PARD6G: variants seen among roughly 807,000 people sequenced by gnomAD.
PARD6G encodes the protein partitioning defective 6 homolog gamma.
A neutral mutation model predicts 10.7 loss-of-function variants in PARD6G; 7 were observed. The ratio of observed to expected loss-of-function variants is 0.66; its 90% CI spans 0.37 to 1.23. PARD6G has a LOEUF of 1.23. PARD6G is among the 50% of genes most tolerant of loss of function. The probability of loss-of-function intolerance (pLI) is 0.02; values close to 1 mark genes in which losing one functional copy is unlikely to be tolerated. For synonymous variants in PARD6G, 287 were observed against 269.4 expected, an observed-to-expected ratio of 1.07 and a Z score of -0.64; for missense variants, 548 against 571.8, an observed-to-expected ratio of 0.96 and a Z score of 0.42.
At position 80,218,201 on chromosome 18, in the gene PARD6G, C is replaced by T. The variant is rs191126115; in HGVS notation, c.73-15269G>A. 1.7e-3 allele frequency among the ~76,000 whole-genome samples: 265 copies of T among 152,266 alleles called. 1 individual carries two copies. Among genetic ancestry groups the T allele is most frequent in the African/African-American group, 6.1e-3 (253 of 41,548 alleles). On this transcript the variant is annotated intron_variant, in intron 1 of 2. Coordinates refer to ENST00000353265, the MANE Select transcript of PARD6G (RefSeq NM_032510.4). The stretch of plus-strand genomic sequence containing the variant: ...CCAACAGTCCCCCAAAGTCTTAACT[C>T]ATTCCAGCATTAACTCAAAAGTCCA...
chr18:80,181,008 C>T lies in PARD6G; in HGVS notation c.296-20402G>A, dbSNP rs1046322671. Among the ~76,000 whole-genome samples, 1 of 152,208 alleles carries T rather than the reference C, an allele frequency of 6.6e-6. No individual in the cohort carries two copies. The highest frequency in any genetic ancestry group is 1.5e-5 in the Non-Finnish European group (1 of 68,022). ...GGGTAAGAACCCGGCCTCACACGCA[C>T]GTTTCCAGCGGGCTGGAAGGCGGCT... On this transcript the variant is annotated intron_variant, in intron 2 of 2. Transcript: ENST00000353265. This position sits in a 1 kb window ranked among gnomAD's most constrained non-coding sequence, Gnocchi z 7.9.
At position 80,159,961 on chromosome 18, in the gene PARD6G, T is replaced by TG. The variant is rs755217812; in HGVS notation, c.940dup (p.Gln314ProfsTer73). On this transcript the variant is annotated frameshift_variant, in exon 3 of 3. Coordinates refer to ENST00000353265, the MANE Select transcript of PARD6G (RefSeq NM_032510.4). LOFTEE classifies it low-confidence loss of function (END_TRUNC). ...GCTGCCTGCGGGCGCGCCCGGGGTC[T>TG]GGGGGGGACGTGCAGGCTCCAGTGT... is the stretch of plus-strand genomic sequence containing the variant. The TG allele has an allele frequency of 3.9e-5, 58 of 1,496,070 alleles. No individual in the cohort carries two copies. The highest frequency in any genetic ancestry group is 4.4e-5 in the Non-Finnish European group (50 of 1,133,182). 92.7% of individuals were successfully genotyped at this position (1,496,070 alleles called of 1,614,324 possible).
chr18:80,245,031 C>T (rs1234687763), intron 1 of PARD6G, among the ~76,000 whole-genome samples: 21 of 152,184 alleles, frequency 1.4e-4, no homozygotes, highest in Admixed American at 1.4e-3. Context: ...AACCAAAACT[C>T]TGGCGCTGCC....
In PARD6G at chr18:80,160,594, C is replaced by T. The variant is rs904097605; in HGVS notation, c.308G>A (p.Arg103His). ...VFIQKREEAE[R>H]GSLGAGSLCR... Reference sequence around the variant, plus strand: ...CAGCGAGCCCGCGCCGAGGCTGCCACGCTCGGCCTCCTCTGCGGGAGAGGG... The same window carrying T: ...CAGCGAGCCCGCGCCGAGGCTGCCATGCTCGGCCTCCTCTGCGGGAGAGGG... Residue 103 changes from arginine (R) to histidine (H), a missense_variant, in exon 3 of 3, where the codon CGT becomes CAT. Arg to His is a conservative substitution (Grantham distance 29). Around this residue, in one of 2 missense-constraint regions of PARD6G, gnomAD observed 235 missense variants for 291.9 expected, o/e 0.81. Coordinates refer to ENST00000353265, the MANE Select transcript of PARD6G (RefSeq NM_032510.4). 4.1e-6 allele frequency: 6 copies of T among 1,447,768 alleles called. No homozygotes were observed. Among genetic ancestry groups the T allele is most frequent in the Non-Finnish European group, 5.4e-6 (6 of 1,104,800 alleles). 89.7% of individuals were successfully genotyped at this position (1,447,768 alleles called of 1,614,324 possible).
In PARD6G at chr18:80,188,581, G is replaced by A. The variant is rs2052892104; in HGVS notation, c.295+14129C>T. Among the ~76,000 whole-genome samples the A allele has an allele frequency of 6.6e-6, 1 of 152,200 alleles. No homozygotes were observed. Among genetic ancestry groups the A allele is most frequent in the African/African-American group, 2.4e-5 (1 of 41,438 alleles). ...ACAACCATCCCAGCCCTCCTCGGAT[G>A]CCCAGTTCGCCAGAGGAAGGGTCTC... On this transcript the variant is annotated intron_variant, in intron 2 of 2. Coordinates refer to ENST00000353265, the MANE Select transcript of PARD6G (RefSeq NM_032510.4). This position sits in a 1 kb window ranked among gnomAD's most constrained non-coding sequence, Gnocchi z 5.4.
rs999946161 is a variant in PARD6G, at chr18:80,159,879, C to T, written c.1023G>A (p.Leu341=). The change falls in exon 3 of 3, where the codon CTG becomes CTA. Residue 341 remains leucine, a synonymous_variant. Coordinates refer to ENST00000353265, the MANE Select transcript of PARD6G (RefSeq NM_032510.4). ...LAQRLQRDLA[L]DGGLQRLLSS... ...TGAGCAGCCGCTGGAGGCCGCCGTCCAGGGCCAGGTCCCGCTGCAGCCGCT... is the reference window on the plus strand; with the variant it reads ...TGAGCAGCCGCTGGAGGCCGCCGTCTAGGGCCAGGTCCCGCTGCAGCCGCT... 2.1e-5 allele frequency: 32 copies of T among 1,514,284 alleles called. No homozygotes were observed. Among genetic ancestry groups the T allele is most frequent in the Non-Finnish European group, 2.6e-5 (29 of 1,137,090 alleles). 93.8% of individuals were successfully genotyped at this position (1,514,284 alleles called of 1,614,324 possible).
chr18:80,159,917 C>T lies in PARD6G; in HGVS notation c.985G>A (p.Ala329Thr). 5 of 1,513,904 alleles carry T rather than the reference C, an allele frequency of 3.3e-6. No individual in the cohort carries two copies. Among genetic ancestry groups the T allele is most frequent in the Non-Finnish European group, 3.5e-6 (4 of 1,138,060 alleles). 93.8% of individuals were successfully genotyped at this position (1,513,904 alleles called of 1,614,324 possible). ...PAGSLSRVNG[A>T]GLAQRLQRDL... ...CGCTGCAGCCGCTGCGCCAGGCCCG[C>T]GCCATTGACCCGGGAGAGGCTGCCT... The change falls in exon 3 of 3, where the codon GCG becomes ACG. Residue 329 changes from alanine (A) to threonine (T), a missense_variant. Transcript: ENST00000353265.
At chr18:80,168,081 G>A (rs900597909) in intron 2 of PARD6G, among the ~76,000 whole-genome samples, 1 of 152,134 alleles carries the variant, frequency 6.6e-6, no homozygotes, top group African/African-American at 2.4e-5. Flanking sequence ...TGGGCCGGCC[G>A]TGGTCTGCAC....
rs1021941850 is a variant in PARD6G at position 80,246,457 on chromosome 18, A to T, written c.72+820T>A. ...GTTCGGGCACGCTCCGCCCGGGCGC[A>T]GGCAGCGGGAGGGGCCGGGCACGCC... On this transcript the variant is annotated intron_variant, in intron 1 of 2. Coordinates refer to ENST00000353265, the MANE Select transcript of PARD6G (RefSeq NM_032510.4). This position sits in a 1 kb window ranked among gnomAD's most constrained non-coding sequence, Gnocchi z 6.7. Among the ~76,000 whole-genome samples, 8 of 152,006 alleles carry T rather than the reference A, an allele frequency of 5.3e-5. No homozygotes were observed. Among genetic ancestry groups the T allele is most frequent in the Non-Finnish European group, 8.8e-5 (6 of 67,948 alleles).
chr18:80,190,662 G>A (rs1017279471), intron 2 of PARD6G, among the ~76,000 whole-genome samples: 37 of 152,126 alleles, frequency 2.4e-4, no homozygotes, highest in African/African-American at 8.4e-4. Flanking sequence ...ATATAAAAAA[G>A]GCAGCCACCC....
chr18:80,195,381 C>T (rs534798237), intron 2 of PARD6G, among the ~76,000 whole-genome samples: 1 of 151,650 alleles, frequency 6.6e-6, no homozygotes, highest in Non-Finnish European at 1.5e-5. Context: ...TCCCTGTTCC[C>T]AGGGTGGGCA....
chr18:80,244,021 T>A (rs555245068), intron 1 of PARD6G, among the ~76,000 whole-genome samples: 1 of 152,296 alleles, frequency 6.6e-6, no homozygotes, highest in Admixed American at 6.5e-5. Context: ...GTAAAGGCGT[T>A]GCTAAGTTCG....
intron 1 of PARD6G, among the ~76,000 whole-genome samples, chr18:80,235,427 C>A (rs1967409813): frequency 6.6e-6 from 1 of 151,740 alleles, no homozygotes; most frequent in African/African-American, 2.4e-5. Context: ...AAATTGATAC[C>A]CTAACATCAC....
At chr18:80,185,960 C>CTCA (rs1239508939) in intron 2 of PARD6G, among the ~76,000 whole-genome samples, 19 of 118,778 alleles carry the variant, frequency 1.6e-4, no homozygotes, top group Admixed American at 3.6e-4. Context: ...ACGCATGCAC[C>CTCA]CACACATGCA....
chr18:80,186,530 TCACA>T (rs936818789), intron 2 of PARD6G, among the ~76,000 whole-genome samples: 1 of 148,848 alleles, frequency 6.7e-6, no homozygotes, highest in Non-Finnish European at 1.5e-5. Context: ...GCATGCATCC[TCACA>T]CACGCGCACA....
intron 2 of PARD6G, among the ~76,000 whole-genome samples, chr18:80,177,617 C>A (rs920027326): frequency 6.6e-6 from 1 of 150,624 alleles, no homozygotes; most frequent in Non-Finnish European, 1.5e-5. Flanking sequence ...CACAGACACA[C>A]AGAATAAATC....
chr18:80,189,346 T>C lies in PARD6G; in HGVS notation c.295+13364A>G, dbSNP rs2052895522. On this transcript the variant is annotated intron_variant, in intron 2 of 2. Transcript: ENST00000353265. This position sits in a 1 kb window ranked among gnomAD's most constrained non-coding sequence, Gnocchi z 5.5. The stretch of plus-strand genomic sequence containing the variant: ...ACGTGGTCCTCATCGGACTGGCCAA[T>C]GGTTCCTTCCTAACTCAACCAAGGG... 6.6e-6 allele frequency: 1 copy of C among 152,348 alleles called. No homozygotes were observed. The highest frequency in any genetic ancestry group is 2.1e-4 in the South Asian group (1 of 4,832). The allele number at this position is 152,348 out of a possible 1,614,324, so 9.4% of individuals were successfully genotyped here. A position where few individuals can be genotyped will look rare whatever the true frequency, so the allele number is the denominator to read the frequency against.
At position 80,200,975 on chromosome 18, in the gene PARD6G, C is replaced by T. The variant is rs1967002022; in HGVS notation, c.295+1735G>A. Among the ~76,000 whole-genome samples, 1 of 152,216 alleles carries T rather than the reference C, an allele frequency of 6.6e-6. No homozygotes were observed. The highest frequency in any genetic ancestry group is 2.1e-4 in the South Asian group (1 of 4,830). On this transcript the variant is annotated intron_variant, in intron 2 of 2. Coordinates refer to ENST00000353265, the MANE Select transcript of PARD6G (RefSeq NM_032510.4). This position sits in a 1 kb window ranked among gnomAD's most constrained non-coding sequence, Gnocchi z 4.4. ...TTTCCTGCACGATGGGCAACAAAGCCTGTGCGCACATCTGCAGTTTACACA... is the reference window on the plus strand; with the variant it reads ...TTTCCTGCACGATGGGCAACAAAGCTTGTGCGCACATCTGCAGTTTACACA...
intron 2 of PARD6G, among the ~76,000 whole-genome samples, chr18:80,193,034 C>T (rs1390408557): frequency 6.6e-6 from 1 of 152,132 alleles, no homozygotes; most frequent in Non-Finnish European, 1.5e-5. Flanking sequence ...AGGCCCCAAG[C>T]AGATGGTGGC....
Sources: gnomAD v4.1 joint callset for allele counts (sites outside exome capture counted in the v4.1 genomes callset) on GRCh38, gnomAD v4.1.1 for gene constraint, gnomAD v4.1.1 regional missense constraint, Gnocchi (gnomAD v3.1) non-coding constraint, MANE v1.5 for transcripts, NCBI Gene and HGNC (gene_info 2026-07-23, HGNC 2026-07-21) for gene names.